The following EPHB1 variants were observed in gnomAD, a reference collection of about 807,000 sequenced individuals.
EPHB1 encodes EPH receptor B1, also known as ephrin type-B receptor 1.
In EPHB1, 30 loss-of-function variants were observed where a neutral mutation model predicts 94.4. That is an observed-to-expected ratio of 0.32 (90% confidence interval 0.24 to 0.43). The LOEUF (loss-of-function observed/expected upper bound fraction) is 0.43, where lower values mean the gene tolerates loss of function less well. Among genes scored for constraint, EPHB1 ranks in the 20% least tolerant of loss-of-function variants. The probability of loss-of-function intolerance (pLI) is 1.00; values close to 1 mark genes in which losing one functional copy is unlikely to be tolerated. For missense variants in EPHB1, 1,055 were observed against 1,308.3 expected, an observed-to-expected ratio of 0.81 and a Z score of 2.99; for synonymous variants, 522 against 489.1, an observed-to-expected ratio of 1.07 and a Z score of -0.89.
chr3:135,066,677 C>T (rs1385633381), intron 3 of EPHB1, among the ~76,000 whole-genome samples: 1 of 152,140 alleles, frequency 6.6e-6, no homozygotes, highest in Non-Finnish European at 1.5e-5. Context: ...TAATAACTAA[C>T]CTCCTGAATT....
intron 1 of EPHB1, among the ~76,000 whole-genome samples, chr3:134,914,398 T>C (rs2038520472): frequency 6.6e-6 from 1 of 152,244 alleles, no homozygotes. Flanking sequence ...CCTCATTTAG[T>C]GGATGGCTGA....
intron 2 of EPHB1, among the ~76,000 whole-genome samples, chr3:134,938,890 G>A (rs990857687): frequency 1.3e-5 from 2 of 152,104 alleles, no homozygotes; most frequent in African/African-American, 4.8e-5. Flanking sequence ...TGGGTCTGGC[G>A]GACTCCAGAG....
chr3:135,134,310 C>T (rs1450269323), intron 5 of EPHB1, among the ~76,000 whole-genome samples: 1 of 152,220 alleles, frequency 6.6e-6, no homozygotes, highest in Non-Finnish European at 1.5e-5. Flanking sequence ...CTTTTCTACT[C>T]CATCCTTTTC....
At chr3:135,031,213 G>A (rs775158556) in intron 3 of EPHB1, among the ~76,000 whole-genome samples, 2 of 152,224 alleles carry the variant, frequency 1.3e-5, no homozygotes, top group South Asian at 2.1e-4. Flanking sequence ...GCTGTAGACT[G>A]GAGCTGTTCC....
In EPHB1 at chr3:135,024,901, A is replaced by G. The variant is rs573126844; in HGVS notation, c.805+72849A>G. Among the ~76,000 whole-genome samples, 8 of 151,882 alleles carry G rather than the reference A, an allele frequency of 5.3e-5. No homozygotes were observed. In the South Asian group the frequency reaches 1.5e-3, roughly 28 times the overall value. ...GGATTTGGATCTCTTGCCCCTTTCT[A>G]TATTTTTCTTCTTCTCTTATTTTGC... On this transcript the variant is annotated intron_variant, in intron 3 of 15. Coordinates refer to ENST00000398015, the MANE Select transcript of EPHB1 (RefSeq NM_004441.5).
rs767661723 is a variant in EPHB1, at chr3:135,241,130, G to A, written c.2347-18G>A. Reference sequence around the variant, plus strand: ...GAAACCTGATTGTTGGGCTGACCACGGTTTCTCCTTCTTTCAGGGAGGGAA... The same window carrying A: ...GAAACCTGATTGTTGGGCTGACCACAGTTTCTCCTTCTTTCAGGGAGGGAA... On this transcript the variant is annotated intron_variant, in intron 12 of 15. Coordinates refer to ENST00000398015, the MANE Select transcript of EPHB1 (RefSeq NM_004441.5). 1.3e-5 allele frequency: 21 copies of A among 1,613,994 alleles called. No individual in the cohort carries two copies. Among genetic ancestry groups the A allele is most frequent in the Admixed American group, 1.7e-5 (1 of 60,004 alleles).
intron 1 of EPHB1, among the ~76,000 whole-genome samples, chr3:134,887,568 G>T (rs1488009383): frequency 6.6e-6 from 1 of 152,106 alleles, no homozygotes; most frequent in African/African-American, 2.4e-5. Flanking sequence ...AGAACAGGAA[G>T]TATTTGTTTC....
In EPHB1 at chr3:135,192,773, A is replaced by G. The variant is rs1382160970; in HGVS notation, c.2080A>G (p.Met694Val). The change falls in exon 11 of 16, where the codon ATG (methionine) becomes GTG (valine). Residue 694 changes from methionine (M) to valine (V), a missense_variant. By Grantham distance (21) the Met-to-Val change is conservative. Transcript: ENST00000398015. ...TGTGGTCACCAAGAGTCGGCCTGTC[A>G]TGATCATCACAGAGTTCATGGAGAA... ...EGVVTKSRPVMIITEFMENGA... is the reference protein window; with the variant it reads ...EGVVTKSRPVVIITEFMENGA... 3 of 1,614,066 alleles carry G rather than the reference A, an allele frequency of 1.9e-6. No individual in the cohort carries two copies. Among genetic ancestry groups the G allele is most frequent in the African/African-American group, 2.7e-5 (2 of 74,930 alleles).
intron 3 of EPHB1, among the ~76,000 whole-genome samples, chr3:135,066,369 A>C (rs1279439799): frequency 6.6e-6 from 1 of 152,196 alleles, no homozygotes; most frequent in Non-Finnish European, 1.5e-5. Flanking sequence ...CAAAATCCCA[A>C]ACTTCTTGGA....
intron 13 of EPHB1, among the ~76,000 whole-genome samples, chr3:135,241,732 A>G (rs1477762173): frequency 3.3e-5 from 5 of 152,198 alleles, no homozygotes; most frequent in East Asian, 1.9e-4. Flanking sequence ...TCTGACGGCT[A>G]TGCTCCATTG....
intron 7 of EPHB1, among the ~76,000 whole-genome samples, 189 bp downstream of exon 7, chr3:135,162,369 C>T (rs183970907): frequency 8.3e-4 from 126 of 152,306 alleles, no homozygotes; most frequent in Admixed American, 3.5e-3. Context: ...TCTCTCCCAA[C>T]GCCTGGTTGG....
At chr3:134,933,541 C>T (rs942691442) in intron 2 of EPHB1, among the ~76,000 whole-genome samples, 3 of 151,830 alleles carry the variant, frequency 2.0e-5, no homozygotes, top group African/African-American at 2.4e-5. Context: ...TGACTAGATG[C>T]TAGGTAGGAA....
chr3:135,243,074 C>CAAAAAAAA (rs397933477), intron 13 of EPHB1, among the ~76,000 whole-genome samples: 9 of 98,354 alleles, frequency 9.2e-5, no homozygotes, highest in African/African-American at 1.2e-4. Context: ...GACCCTGTCT[C>CAAAAAAAA]AAAAAAAAAA....
At chr3:135,062,343 G>A (rs892131726) in intron 3 of EPHB1, among the ~76,000 whole-genome samples, 28 of 152,172 alleles carry the variant, frequency 1.8e-4, no homozygotes, top group Admixed American at 8.5e-4. Context: ...CCACATCCAC[G>A]CCAACATCTA....
intron 3 of EPHB1, among the ~76,000 whole-genome samples, chr3:135,040,167 G>A (rs539261348): frequency 2.6e-5 from 4 of 152,360 alleles, no homozygotes; most frequent in African/African-American, 9.6e-5. Flanking sequence ...CTTACTTGCT[G>A]TGTGTTCTCA....
At chr3:134,842,866 A>G (rs1297880761) in intron 1 of EPHB1, among the ~76,000 whole-genome samples, 2 of 152,204 alleles carry the variant, frequency 1.3e-5, no homozygotes, top group East Asian at 3.8e-4. Flanking sequence ...TGATGGATTT[A>G]TTACACTGAT....
rs552430126 is a variant in EPHB1, at chr3:135,241,237, C to T, written c.2436C>T (p.Ile812=). 3.7e-6 allele frequency: 6 copies of T among 1,614,136 alleles called. No homozygotes were observed. Among genetic ancestry groups the T allele is most frequent in the South Asian group, 2.2e-5 (2 of 91,080 alleles). The part of the protein sequence containing the change: ...TSASDVWSYG[I]VMWEVMSFGE... Reference sequence around the variant, plus strand: ...CCAGCGACGTTTGGAGCTATGGGATCGTCATGTGGGAAGTCATGTCATTTG... The same window carrying T: ...CCAGCGACGTTTGGAGCTATGGGATTGTCATGTGGGAAGTCATGTCATTTG... The change falls in exon 13 of 16, where the codon ATC becomes ATT. Residue 812 remains isoleucine (I), a synonymous_variant. Coordinates refer to ENST00000398015, the MANE Select transcript of EPHB1 (RefSeq NM_004441.5).
intron 15 of EPHB1, among the ~76,000 whole-genome samples, chr3:135,253,788 G>A (rs569845476): frequency 0.022 from 3,314 of 151,702 alleles, 128 homozygotes; most frequent in African/African-American, 0.074. Flanking sequence ...CATTGAATCT[G>A]TAAATTACCT....
At chr3:134,959,626 C>T (rs1297373510) in intron 3 of EPHB1, among the ~76,000 whole-genome samples, 1 of 152,062 alleles carries the variant, frequency 6.6e-6, no homozygotes, top group Non-Finnish European at 1.5e-5. Context: ...CTTTTTAATC[C>T]CTCTAGGGGC....
Sources: gnomAD v4.1 joint callset for allele counts (sites outside exome capture counted in the v4.1 genomes callset) on GRCh38, gnomAD v4.1.1 for gene constraint, MANE v1.5 for transcripts, NCBI Gene and HGNC (gene_info 2026-07-23, HGNC 2026-07-21) for gene names.